Variants in PDCD2 observed in about 807,000 individuals in gnomAD.
PDCD2 encodes programmed cell death 2, also known as uS5 assembly chaperone PDCD2.
In PDCD2, 38 loss-of-function variants were observed where a neutral mutation model predicts 38.1. That is an observed-to-expected ratio of 1.00 (90% CI 0.77 to 1.31). The LOEUF (loss-of-function observed/expected upper bound fraction) is 1.31, where lower values mean the gene tolerates loss of function less well. Among genes scored for constraint, PDCD2 ranks in the 50% most tolerant of loss-of-function variants. PDCD2 has a pLI of 0.00. For synonymous variants in PDCD2, 205 were observed against 168.9 expected, an observed-to-expected ratio of 1.21 and a Z score of -1.66; for missense variants, 473 against 435.7, an observed-to-expected ratio of 1.09 and a Z score of -0.76.
At chr6:170,583,225 A>C (rs752012964) in intron 2 of PDCD2, 37 bp from the exon 3 acceptor site, 2 of 1,393,582 alleles carry the variant, frequency 1.4e-6, no homozygotes, top group Admixed American at 1.9e-5. Context: ...GTAATCATTT[A>C]GTTTTGAAGA....
chr6:170,583,829 A>G, intron 1 of PDCD2, 82 bp from the exon 2 acceptor site: 1 of 1,033,202 alleles, frequency 9.7e-7, no homozygotes, highest in Non-Finnish European at 1.4e-6. Context: ...TAAAACTGAA[A>G]ATAACAACAA....
intron 2 of PDCD2, 35 bp downstream of exon 2, chr6:170,583,470 A>G: frequency 5.7e-6 from 9 of 1,586,206 alleles, no homozygotes; most frequent in Non-Finnish European, 7.7e-6. Flanking sequence ...AAAGGCGATG[A>G]AACTGAACTG....
intron 2 of PDCD2, 36 bp downstream of exon 2, chr6:170,583,469 G>A (rs774545456): frequency 2.9e-5 from 46 of 1,579,052 alleles, no homozygotes; most frequent in African/African-American, 4.1e-5. Flanking sequence ...CAAAGGCGAT[G>A]AAACTGAACT....
In PDCD2 at chr6:170,576,115, T is replaced by C. The variant is rs548659610; in HGVS notation, c.*1444A>G. On this transcript the variant is annotated 3_prime_UTR_variant, in exon 6 of 6. Transcript: ENST00000541970. ...CATAGTTATAGGTGATTTTCATAGA[T>C]TTAGCCATCCCAGGTTCGAAACTAG... 5.9e-5 allele frequency: 9 copies of C among 152,276 alleles called. No homozygotes were observed. In the East Asian group the frequency reaches 9.7e-4, roughly 16 times the overall value. The allele number at this position is 152,276 out of a possible 1,614,324, so 9.4% of individuals were successfully genotyped here. A position where few individuals can be genotyped will look rare whatever the true frequency, so the allele number is the denominator to read the frequency against.
At chr6:170,582,872 A>T in intron 3 of PDCD2, 185 bp downstream of exon 3, 1 of 1,411,320 alleles carries the variant, frequency 7.1e-7, no homozygotes, top group Non-Finnish European at 9.2e-7. Context: ...AGCAGAACAC[A>T]CCTCTTATGT....
chr6:170,580,076 TG>T lies in PDCD2; in HGVS notation c.687del (p.Met230TrpfsTer19). ...MGEALEEELD[S>X]MAKHESREDK... The stretch of plus-strand genomic sequence containing the variant: ...TCTTCCCTGGATTCATGTTTTGCCA[TG>T]GAATCCAGTTCTTCCTCAAGTGCTT... On this transcript the variant is annotated frameshift_variant, in exon 4 of 6. Coordinates refer to ENST00000541970, the MANE Select transcript of PDCD2 (RefSeq NM_002598.4). LOFTEE classifies it high-confidence loss of function. 1.2e-6 allele frequency: 2 copies of T among 1,611,080 alleles called. No individual in the cohort carries two copies. Among genetic ancestry groups the T allele is most frequent in the Non-Finnish European group, 8.5e-7 (1 of 1,177,674 alleles).
chr6:170,583,059 A>G lies in PDCD2; in HGVS notation c.656T>C (p.Met219Thr), dbSNP rs1779663811. Residue 219 changes from methionine (M) to threonine (T), a missense_variant and splice_region_variant, in exon 3 of 6, where the codon ATG becomes ACG. Met to Thr is a moderately conservative substitution (Grantham distance 81). Coordinates refer to ENST00000541970, the MANE Select transcript of PDCD2 (RefSeq NM_002598.4). The stretch of plus-strand genomic sequence containing the variant: ...AATGAAGTCCTGAAACTGCTTACCC[A>G]TGCTCCCTATAATCTCTGAGTAATC... ...KEDYSEIIGS[M>T]GEALEEELDS... The G allele has an allele frequency of 6.2e-7, 1 of 1,611,974 alleles. No homozygotes were observed. The highest frequency in any genetic ancestry group is 8.5e-7 in the Non-Finnish European group (1 of 1,179,118).
intron 1 of PDCD2, 72 bp downstream of exon 1, chr6:170,584,226 TG>T (rs1779728787): frequency 1.5e-6 from 2 of 1,298,092 alleles, no homozygotes; most frequent in South Asian, 4.8e-5. Flanking sequence ...GCCGTCCCCC[TG>T]GTCGCTCCCG....
Position 170,583,426 on chromosome 6 carries a change from C to G in PDCD2, c.526+79G>C, listed in dbSNP as rs1331773639. 4 of 1,477,466 alleles carry G rather than the reference C, an allele frequency of 2.7e-6. No homozygotes were observed. The East Asian group carries it at 9.3e-5, about 34-fold the overall frequency. The allele number at this position is 1,477,466 out of a possible 1,614,324, so 91.5% of individuals were successfully genotyped here. A position where few individuals can be genotyped will look rare whatever the true frequency, so the allele number is the denominator to read the frequency against. On this transcript the variant is annotated intron_variant, in intron 2 of 5. Transcript: ENST00000541970. Reference sequence around the variant, plus strand: ...AAGTACTATACCTTTCCTAATTTTACCTTTAAAGTTGTCCTGGAAATATCT... The same window carrying G: ...AAGTACTATACCTTTCCTAATTTTAGCTTTAAAGTTGTCCTGGAAATATCT...
intron 3 of PDCD2, chr6:170,581,846 C>T (rs1042800170): frequency 1.4e-5 from 4 of 282,214 alleles, no homozygotes; most frequent in African/African-American, 9.1e-5. Flanking sequence ...TTTGAAGTCA[C>T]CTGGAAGAGT....
At chr6:170,582,273 C>T (rs746990835) in intron 3 of PDCD2, 138 of 1,497,072 alleles carry the variant, frequency 9.2e-5, no homozygotes, top group Non-Finnish European at 1.2e-4. Flanking sequence ...TCCCTGTTAT[C>T]AAGCACAAGG....
At position 170,584,566 on chromosome 6, in the gene PDCD2, C is replaced by T. The variant is rs567261750; in HGVS notation, c.16G>A (p.Ala6Thr). ...GCGAAGCCCAGCTCCACAGGCCTGGCCCCGGCGGCAGCCATGCGGGGCGCG... is the reference window on the plus strand; with the variant it reads ...GCGAAGCCCAGCTCCACAGGCCTGGTCCCGGCGGCAGCCATGCGGGGCGCG... Reference protein sequence around the residue: MAAAGARPVELGFAES... With the variant: MAAAGTRPVELGFAES... Residue 6 changes from alanine (A) to threonine (T), a missense_variant, in exon 1 of 6, where the codon GCC (alanine) becomes ACC (threonine). Transcript: ENST00000541970. 9.5e-5 allele frequency: 122 copies of T among 1,286,254 alleles called. No individual in the cohort carries two copies. The East Asian group carries it at 3.5e-3, about 36-fold the overall frequency. The allele number at this position is 1,286,254 out of a possible 1,614,324, so 79.7% of individuals were successfully genotyped here. A position where few individuals can be genotyped will look rare whatever the true frequency, so the allele number is the denominator to read the frequency against.
chr6:170,584,551 G>A lies in PDCD2; in HGVS notation c.31C>T (p.Leu11=). 1.5e-6 allele frequency: 2 copies of A among 1,354,778 alleles called. No individual in the cohort carries two copies. Among genetic ancestry groups the A allele is most frequent in the Non-Finnish European group, 1.9e-6 (2 of 1,056,226 alleles). 83.9% of individuals were successfully genotyped at this position (1,354,778 alleles called of 1,614,324 possible). The part of the protein sequence containing the change: MAAAGARPVE[L]GFAESAPAWR... ...GCCGGCGCCGACTCGGCGAAGCCCA[G>A]CTCCACAGGCCTGGCCCCGGCGGCA... The change falls in exon 1 of 6, where the codon CTG becomes TTG. Residue 11 remains leucine (L), a synonymous_variant. Coordinates refer to ENST00000541970, the MANE Select transcript of PDCD2 (RefSeq NM_002598.4).
rs1273179122 is a variant in PDCD2, at chr6:170,575,698, T to G, written c.*1861A>C. 6.6e-6 allele frequency: 1 copy of G among 152,222 alleles called. No individual in the cohort carries two copies. Among genetic ancestry groups the G allele is most frequent in the East Asian group, 1.9e-4 (1 of 5,198 alleles). The allele number at this position is 152,222 out of a possible 1,614,324, so 9.4% of individuals were successfully genotyped here. A position where few individuals can be genotyped will look rare whatever the true frequency, so the allele number is the denominator to read the frequency against. On this transcript the variant is annotated 3_prime_UTR_variant, in exon 6 of 6. Coordinates refer to ENST00000541970, the MANE Select transcript of PDCD2 (RefSeq NM_002598.4). ...GCTGTGAGATTTTCTTTCTGGTGAT[T>G]TGGACCAGTTTGTCTCCCTCTTGAT...
rs772112538 is a variant in PDCD2 at position 170,578,895 on chromosome 6, C to G, written c.838G>C (p.Asp280His). The change falls in exon 5 of 6, where the codon GAT becomes CAT. Residue 280 changes from aspartate (D) to histidine (H), a missense_variant. By Grantham distance (81) the Asp-to-His change is moderately conservative (BLOSUM62 -1). Coordinates refer to ENST00000541970, the MANE Select transcript of PDCD2 (RefSeq NM_002598.4). ...ENIPQEKDIP[D>H]CPCGAKRILE... ...ATTCTCTTGGCACCACAGGGGCAAT[C>G]TGGAATATCCTTTTCTTGAGGAATA... The G allele has an allele frequency of 2.9e-5, 47 of 1,610,612 alleles. No homozygotes were observed. Among genetic ancestry groups the G allele is most frequent in the Non-Finnish European group, 3.8e-5 (45 of 1,178,490 alleles).
At position 170,584,352 on chromosome 6, in the gene PDCD2, C is replaced by A. The variant is rs2115020594; in HGVS notation, c.230G>T (p.Arg77Leu). 1.3e-6 allele frequency: 2 copies of A among 1,495,632 alleles called. No individual in the cohort carries two copies. The highest frequency in any genetic ancestry group is 1.8e-6 in the Non-Finnish European group (2 of 1,128,084). The allele number at this position is 1,495,632 out of a possible 1,614,324, so 92.6% of individuals were successfully genotyped here. A position where few individuals can be genotyped will look rare whatever the true frequency, so the allele number is the denominator to read the frequency against. Residue 77 changes from arginine to leucine, a missense_variant, in exon 1 of 6, where the codon CGC (arginine) becomes CTC (leucine). Physicochemically the swap from Arg to Leu is moderately radical, Grantham distance 102. Transcript: ENST00000541970. Reference protein sequence around the residue: ...PLPGRPDAFHRCIFLFCCREQ... With the variant: ...PLPGRPDAFHLCIFLFCCREQ... Reference sequence around the variant, plus strand: ...GCGGCAGCAGAAGAGGAAGATGCAGCGGTGGAAGGCGTCCGGGCGGCCAGG... The same window carrying A: ...GCGGCAGCAGAAGAGGAAGATGCAGAGGTGGAAGGCGTCCGGGCGGCCAGG...
chr6:170,582,514 G>T, intron 3 of PDCD2: 1 of 1,352,284 alleles, frequency 7.4e-7, no homozygotes, highest in Non-Finnish European at 9.6e-7. Context: ...TCATTGGTCT[G>T]CTGTCACGAT....
chr6:170,582,558 T>C (rs987708961), intron 3 of PDCD2: 1 of 1,314,666 alleles, frequency 7.6e-7, no homozygotes, highest in Admixed American at 3.2e-5. Context: ...GCCCTTTATA[T>C]AAGGTAAGTG....
At position 170,583,571 on chromosome 6, in the gene PDCD2, A is replaced by C; in HGVS notation, c.460T>G (p.Tyr154Asp). The change falls in exon 2 of 6, where the codon TAC becomes GAC. Residue 154 changes from tyrosine to aspartate, a missense_variant. Physicochemically the swap from Tyr to Asp is radical, Grantham distance 160. Transcript: ENST00000541970. ...AGGGTCTGATGCTCCTTGCTGCAGT[A>C]ATATGCTTTGTGGCATCTGGAGCAC... The part of the protein sequence containing the change: ...KTCSRCHKAY[Y>D]CSKEHQTLDW... 1 of 1,613,870 alleles carries C rather than the reference A, an allele frequency of 6.2e-7. No homozygotes were observed. The highest frequency in any genetic ancestry group is 8.5e-7 in the Non-Finnish European group (1 of 1,179,792).
Sources: allele counts gnomAD v4.1 joint callset, GRCh38; gene constraint gnomAD v4.1.1; transcripts MANE v1.5; gene names NCBI Gene and HGNC (gene_info 2026-07-23, HGNC 2026-07-21).